Variants in SKIC3 observed in about 807,000 individuals in gnomAD.
The protein encoded by SKIC3 is superkiller complex protein 3.
the SKIC3 span, among the ~76,000 whole-genome samples, chr5:95,550,953 T>TA: frequency 6.6e-6 from 1 of 151,944 alleles, no homozygotes; most frequent in Admixed American, 6.6e-5. Context: ...GATGTCAATA[T>TA]AAAAAAATAG....
chr5:95,540,931 T>C, the SKIC3 span: 1 of 1,167,700 alleles, frequency 8.6e-7, no homozygotes, highest in Non-Finnish European at 1.2e-6. Flanking sequence ...TGTTAATATA[T>C]AAAAATAGCA....
the SKIC3 span, chr5:95,541,227 A>C: frequency 7.2e-7 from 1 of 1,379,530 alleles, no homozygotes; most frequent in Non-Finnish European, 1.0e-6. Context: ...CAGCCTCCCA[A>C]AGTGCTGGGA....
the SKIC3 span, among the ~76,000 whole-genome samples, chr5:95,520,437 T>C: frequency 1.3e-5 from 2 of 149,192 alleles, no homozygotes; most frequent in African/African-American, 5.0e-5. Context: ...ACACATGGTG[T>C]CAGAGCTGCT....
the SKIC3 span, chr5:95,484,878 C>G: frequency 3.1e-6 from 5 of 1,609,250 alleles, no homozygotes; most frequent in Non-Finnish European, 4.3e-6. Flanking sequence ...TTACTTTCTT[C>G]TGCAATTTAT....
chr5:95,481,310 C>T, the SKIC3 span, among the ~76,000 whole-genome samples: 3 of 152,038 alleles, frequency 2.0e-5, no homozygotes, highest in Non-Finnish European at 2.9e-5. Context: ...ATAAGTCTCA[C>T]AAGATCTGAT....
At chr5:95,496,816 G>A in the SKIC3 span, among the ~76,000 whole-genome samples, 3 of 152,228 alleles carry the variant, frequency 2.0e-5, no homozygotes, top group Non-Finnish European at 4.4e-5. Context: ...CGTGGCAAGT[G>A]TTCAAAACAT....
the SKIC3 span, chr5:95,525,537 T>C: frequency 5.6e-6 from 9 of 1,613,762 alleles, no homozygotes; most frequent in East Asian, 2.2e-5. Flanking sequence ...TATAGCCAAA[T>C]AAAAATGCTT....
the SKIC3 span, among the ~76,000 whole-genome samples, chr5:95,496,179 A>G: frequency 6.6e-6 from 1 of 151,998 alleles, no homozygotes; most frequent in Middle Eastern, 3.2e-3. Context: ...CACCATGCCC[A>G]GCTAATTTTT....
chr5:95,507,060 G>C, the SKIC3 span: 1 of 1,524,596 alleles, frequency 6.6e-7, no homozygotes, highest in Non-Finnish European at 9.0e-7. Flanking sequence ...ATAGCATTCT[G>C]TTACCTTCCT....
At chr5:95,502,909 C>T in the SKIC3 span, 28 of 1,613,916 alleles carry the variant, frequency 1.7e-5, no homozygotes, top group African/African-American at 2.0e-4. Context: ...TGGCTACATC[C>T]GTTTTTCCTT....
the SKIC3 span, among the ~76,000 whole-genome samples, chr5:95,486,110 C>T: frequency 1.3e-5 from 2 of 152,290 alleles, no homozygotes; most frequent in South Asian, 2.1e-4. Context: ...TGGGAGCTCA[C>T]GCTGAGTCCC....
chr5:95,502,983 T>C, the SKIC3 span: 13 of 1,614,064 alleles, frequency 8.1e-6, no homozygotes, highest in South Asian at 9.9e-5. Context: ...GATTCAACAA[T>C]AGACAAGGCT....
chr5:95,554,547 G>A, the SKIC3 span, among the ~76,000 whole-genome samples: 2 of 152,158 alleles, frequency 1.3e-5, no homozygotes, highest in Non-Finnish European at 2.9e-5. Flanking sequence ...GAACAGCTAT[G>A]CTTTCCCCTG....
the SKIC3 span, among the ~76,000 whole-genome samples, chr5:95,525,152 A>C: frequency 6.6e-6 from 1 of 151,966 alleles, no homozygotes; most frequent in African/African-American, 2.4e-5. Context: ...CAAAGTACTG[A>C]GATTACAGGT....
At chr5:95,478,087 A>T in the SKIC3 span, among the ~76,000 whole-genome samples, 1 of 152,228 alleles carries the variant, frequency 6.6e-6, no homozygotes, top group Non-Finnish European at 1.5e-5. Flanking sequence ...TTCCCCAAAC[A>T]TCGACAATAT....
chr5:95,479,795 C>A, the SKIC3 span, among the ~76,000 whole-genome samples: 1 of 151,404 alleles, frequency 6.6e-6, no homozygotes, highest in Non-Finnish European at 1.5e-5. Context: ...AGGACTACTG[C>A]ATTTGGAAAT....
the SKIC3 span, among the ~76,000 whole-genome samples, chr5:95,496,514 C>A: frequency 6.6e-6 from 1 of 152,136 alleles, no homozygotes; most frequent in Non-Finnish European, 1.5e-5. Flanking sequence ...AACCCAAGCA[C>A]AAAGTAGCCT....
At chr5:95,547,487 T>C in the SKIC3 span, among the ~76,000 whole-genome samples, 2 of 152,152 alleles carry the variant, frequency 1.3e-5, no homozygotes, top group Non-Finnish European at 2.9e-5. Context: ...TATATTCTAC[T>C]TATTTATCCT....
chr5:95,527,971 G>A, the SKIC3 span: 1 of 1,611,046 alleles, frequency 6.2e-7, no homozygotes, highest in Non-Finnish European at 8.5e-7. Context: ...CTGGTTGATT[G>A]GAAACTAACT....
Sources: gnomAD v4.1 joint callset for allele counts (sites outside exome capture counted in the v4.1 genomes callset) on GRCh38, gnomAD v4.1.1 for gene constraint, MANE v1.5 for transcripts, NCBI Gene and HGNC (gene_info 2026-07-23, HGNC 2026-07-21) for gene names.